Variants in AUTS2 observed in about 807,000 individuals in gnomAD.
AUTS2 encodes the protein activator of transcription and developmental regulator AUTS2, also known as autism susceptibility gene 2 protein.
In AUTS2, 17 loss-of-function variants were observed where a neutral mutation model predicts 112.4. That is an observed-to-expected ratio of 0.15 (90% CI 0.10 to 0.23). AUTS2 has a LOEUF of 0.23. Among genes scored for constraint, AUTS2 ranks in the 10% least tolerant of loss-of-function variants. The pLI, the probability that AUTS2 is intolerant of heterozygous loss-of-function variation, is 1.00. For synonymous variants in AUTS2, 751 were observed against 702.7 expected (o/e 1.07, Z -1.09); for missense variants, 1,510 against 1,701.6 (o/e 0.89, Z 1.98).
intron 1 of AUTS2, among the ~76,000 whole-genome samples, chr7:69,613,217 G>A (rs1793141302): frequency 6.6e-6 from 1 of 152,150 alleles, no homozygotes; most frequent in South Asian, 2.1e-4. Context: ...GTGAAAGATG[G>A]CCACATGGTC....
chr7:69,845,469 A>G (rs781714608), intron 1 of AUTS2, among the ~76,000 whole-genome samples: 1 of 152,154 alleles, frequency 6.6e-6, no homozygotes, highest in East Asian at 1.9e-4. Flanking sequence ...AAGAAGGGCA[A>G]TGGTTATTGT....
intron 4 of AUTS2, among the ~76,000 whole-genome samples, chr7:70,193,456 C>G (rs1810009244): frequency 1.3e-5 from 2 of 152,198 alleles, no homozygotes; most frequent in Admixed American, 1.3e-4. Context: ...AGACCCCTGC[C>G]TTCTACATAG....
intron 4 of AUTS2, among the ~76,000 whole-genome samples, chr7:70,185,006 C>T (rs1039867271): frequency 2.0e-5 from 3 of 152,122 alleles, no homozygotes; most frequent in African/African-American, 7.2e-5. Flanking sequence ...CTGTTTGATA[C>T]TTTGCAATAT....
intron 2 of AUTS2, among the ~76,000 whole-genome samples, chr7:70,111,222 A>G (rs1805073195): frequency 6.6e-6 from 1 of 152,064 alleles, no homozygotes; most frequent in South Asian, 2.1e-4. Flanking sequence ...CAGAGTTCCA[A>G]GATGACCCTA....
intron 2 of AUTS2, among the ~76,000 whole-genome samples, chr7:70,092,850 C>T (rs1286326678): frequency 6.6e-6 from 1 of 152,102 alleles, no homozygotes; most frequent in Non-Finnish European, 1.5e-5. Flanking sequence ...GCACCACTCG[C>T]GGGGCCCCCT....
chr7:70,203,953 T>G (rs1405111060), intron 4 of AUTS2, among the ~76,000 whole-genome samples: 2 of 149,624 alleles, frequency 1.3e-5, no homozygotes, highest in African/African-American at 4.9e-5. Flanking sequence ...TTAAAAAAAT[T>G]TTTAAGCCTT....
At chr7:69,938,689 G>A (rs1796509892) in intron 2 of AUTS2, among the ~76,000 whole-genome samples, 1 of 152,238 alleles carries the variant, frequency 6.6e-6, no homozygotes, top group South Asian at 2.1e-4. Flanking sequence ...AGGGGATGGA[G>A]TATGTAGGTG....
chr7:69,678,294 C>T (rs1049367006), intron 1 of AUTS2, among the ~76,000 whole-genome samples: 1 of 152,104 alleles, frequency 6.6e-6, no homozygotes, highest in African/African-American at 2.4e-5. Flanking sequence ...TGAATTTCTG[C>T]TGAGGCTGCA....
intron 8 of AUTS2, 86 bp downstream of exon 8, chr7:70,765,091 A>G (rs534340679): frequency 2.6e-6 from 4 of 1,523,684 alleles, no homozygotes; most frequent in Non-Finnish European, 3.5e-6. Flanking sequence ...CCCGATTGCA[A>G]GGTTGCATTT....
At chr7:70,347,307 G>T (rs910929839) in intron 4 of AUTS2, among the ~76,000 whole-genome samples, 1 of 152,070 alleles carries the variant, frequency 6.6e-6, no homozygotes, top group Non-Finnish European at 1.5e-5. Context: ...ACCTAAGCAG[G>T]TCTCTATCAC....
intron 1 of AUTS2, among the ~76,000 whole-genome samples, chr7:69,756,382 T>C (rs1209864839): frequency 1.3e-5 from 2 of 152,326 alleles, no homozygotes; most frequent in African/African-American, 4.8e-5. Flanking sequence ...AAGCAAAATA[T>C]TGGCATTCAC....
intron 1 of AUTS2, among the ~76,000 whole-genome samples, chr7:69,888,544 T>G (rs1057416231): frequency 2.3e-5 from 2 of 88,490 alleles, no homozygotes; most frequent in South Asian, 4.2e-4. Flanking sequence ...ATTGGGGATA[T>G]ATATATATAT....
intron 4 of AUTS2, chr7:70,317,111 G>GA (rs1464139003): frequency 6.6e-6 from 1 of 152,096 alleles, no homozygotes; most frequent in Non-Finnish European, 1.5e-5. Context: ...GGTCACACTG[G>GA]AAACAGTTGC....
intron 5 of AUTS2, among the ~76,000 whole-genome samples, chr7:70,519,068 AT>A (rs1799538866): frequency 6.6e-6 from 1 of 152,276 alleles, no homozygotes; most frequent in Non-Finnish European, 1.5e-5. Flanking sequence ...TTAAAAAAAA[AT>A]CAAAACACTA....
chr7:69,770,258 A>G (rs1241418565), intron 1 of AUTS2, among the ~76,000 whole-genome samples: 1 of 152,214 alleles, frequency 6.6e-6, no homozygotes, highest in African/African-American at 2.4e-5. Flanking sequence ...ATCTTCTTGC[A>G]CTTTTTACAT....
chr7:70,286,949 A>G (rs1788487717), intron 4 of AUTS2, among the ~76,000 whole-genome samples: 1 of 152,220 alleles, frequency 6.6e-6, no homozygotes, highest in Non-Finnish European at 1.5e-5. Context: ...AAGGCAACGT[A>G]TTAGAAACTC....
chr7:69,728,407 A>G (rs540724263), intron 1 of AUTS2, among the ~76,000 whole-genome samples: 4 of 152,216 alleles, frequency 2.6e-5, no homozygotes, highest in Non-Finnish European at 5.9e-5. Flanking sequence ...GGATTAGGGA[A>G]ATGCTTGTGA....
At chr7:69,761,480 A>G (rs1323665944) in intron 1 of AUTS2, among the ~76,000 whole-genome samples, 2 of 151,926 alleles carry the variant, frequency 1.3e-5, no homozygotes, top group African/African-American at 4.8e-5. Context: ...GTTAATGTTA[A>G]ATAGTTCAGT....
At chr7:69,930,263 G>A (rs998914857) in intron 2 of AUTS2, among the ~76,000 whole-genome samples, 8 of 152,130 alleles carry the variant, frequency 5.3e-5, no homozygotes, top group African/African-American at 1.9e-4. Context: ...GAGCCAGTCT[G>A]TACTGTGTTG....
Sources: allele counts gnomAD v4.1 joint callset (sites outside exome capture counted in the v4.1 genomes callset), GRCh38; gene constraint gnomAD v4.1.1; transcripts MANE v1.5; gene names NCBI Gene and HGNC (gene_info 2026-07-23, HGNC 2026-07-21).